The following PHIP variants were observed in gnomAD, a reference collection of about 807,000 sequenced individuals.
The protein encoded by PHIP is PHIP subunit of CUL4-Ring ligase complex, also known as PH-interacting protein.
A neutral mutation model predicts 236.8 loss-of-function variants in PHIP; 54 were observed. The observed-to-expected ratio is 0.23, with a 90% confidence interval of 0.18 to 0.29. The LOEUF is 0.29. Among genes scored for constraint, PHIP ranks in the 10% least tolerant of loss-of-function variants. The probability of loss-of-function intolerance (pLI) is 1.00; values close to 1 mark genes in which losing one functional copy is unlikely to be tolerated. For missense variants in PHIP, 1,370 were observed against 2,190.8 expected (o/e 0.63, Z 7.48); for synonymous variants, 756 against 718.9 (o/e 1.05, Z -0.83).
intron 6 of PHIP, among the ~76,000 whole-genome samples, chr6:79,056,284 A>G (rs1225492913): frequency 6.6e-6 from 1 of 152,210 alleles, no homozygotes; most frequent in African/African-American, 2.4e-5. Flanking sequence ...GGGGCATTCC[A>G]GGGAGAAATA....
chr6:78,954,790 G>A (rs1188940233), intron 35 of PHIP, 24 bp downstream of exon 35: 2 of 1,528,938 alleles, frequency 1.3e-6, no homozygotes, highest in East Asian at 2.4e-5. Flanking sequence ...GACAGGTAAA[G>A]AAAATATTTT....
At chr6:79,042,694 A>G in intron 7 of PHIP, 149 bp downstream of exon 7, 3 of 544,008 alleles carry the variant, frequency 5.5e-6, no homozygotes, top group Non-Finnish European at 6.3e-6. Flanking sequence ...AAATTTAACT[A>G]AACTCTTCTG....
intron 33 of PHIP, 68 bp downstream of exon 33, chr6:78,955,545 A>C: frequency 1.6e-6 from 1 of 619,356 alleles, no homozygotes; most frequent in South Asian, 2.1e-5. Flanking sequence ...TTTACCTGAA[A>C]ACTACAATAT....
intron 7 of PHIP, among the ~76,000 whole-genome samples, chr6:79,028,169 A>G (rs569600240): frequency 6.6e-6 from 1 of 152,272 alleles, no homozygotes; most frequent in South Asian, 2.1e-4. Context: ...TGTGAGGTGA[A>G]GGCATAAGGA....
At chr6:78,978,083 A>T (rs1244418049) in intron 24 of PHIP, among the ~76,000 whole-genome samples, 1 of 152,106 alleles carries the variant, frequency 6.6e-6, no homozygotes, top group Non-Finnish European at 1.5e-5. Context: ...ACAAGTACAT[A>T]TTCTAAAACA....
At position 78,945,285 on chromosome 6, in the gene PHIP, CAAGT is replaced by C. The variant is rs1356593699; in HGVS notation, c.4828+11_4828+14del. 6.4e-7 allele frequency: 1 copy of C among 1,554,974 alleles called. No individual in the cohort carries two copies. The highest frequency in any genetic ancestry group is 8.9e-7 in the Non-Finnish European group (1 of 1,126,406). Reference sequence around the variant, plus strand: ...AGGATCTACTGTATCTTGAAAGATACAAGTAATACCTTACCTTGCTCAATGACAG... The same window carrying C: ...AGGATCTACTGTATCTTGAAAGATACAATACCTTACCTTGCTCAATGACAG... On this transcript the variant is annotated intron_variant, in intron 39 of 39. Transcript: ENST00000275034.
intron 25 of PHIP, 106 bp downstream of exon 25, chr6:78,970,675 T>C (rs1562135980): frequency 2.9e-6 from 2 of 701,028 alleles, no homozygotes; most frequent in Non-Finnish European, 4.7e-6. Flanking sequence ...ACAAGGTATC[T>C]TCATGATGCA....
intron 9 of PHIP, among the ~76,000 whole-genome samples, chr6:79,021,464 G>C (rs1468657201): frequency 6.6e-6 from 1 of 152,156 alleles, no homozygotes; most frequent in Non-Finnish European, 1.5e-5. Flanking sequence ...GTGAAGATTT[G>C]GAAGGAACCA....
At chr6:79,044,798 A>C (rs1772393031) in intron 6 of PHIP, among the ~76,000 whole-genome samples, 1 of 152,160 alleles carries the variant, frequency 6.6e-6, no homozygotes, top group Non-Finnish European at 1.5e-5. Context: ...TTTTAAGATA[A>C]ATTTGTTATA....
chr6:79,014,892 GCA>G (rs1562180028), intron 15 of PHIP, among the ~76,000 whole-genome samples, 188 bp downstream of exon 15: 1 of 151,722 alleles, frequency 6.6e-6, no homozygotes, highest in Non-Finnish European at 1.5e-5. Context: ...ACTGTAATAT[GCA>G]CAATTAATTT....
At chr6:78,965,574 A>G (rs530688188) in intron 29 of PHIP, 129 bp downstream of exon 29, 34 of 613,358 alleles carry the variant, frequency 5.5e-5, no homozygotes, top group African/African-American at 5.5e-4. Context: ...ACAATAATAA[A>G]TATTTGCCAA....
intron 38 of PHIP, 171 bp downstream of exon 38, chr6:78,945,830 A>C (rs1434368859): frequency 1.6e-6 from 1 of 624,146 alleles, no homozygotes; most frequent in Non-Finnish European, 2.8e-6. Flanking sequence ...CTAAACCTCA[A>C]TTTAATTCTT....
chr6:79,002,313 T>A (rs1199058550), intron 16 of PHIP, among the ~76,000 whole-genome samples, 189 bp from the exon 17 acceptor site: 2 of 152,154 alleles, frequency 1.3e-5, no homozygotes, highest in Admixed American at 6.6e-5. Context: ...TTAAGTATTA[T>A]GATCAGAAAA....
At chr6:78,948,126 C>G (rs1271653749) in intron 35 of PHIP, among the ~76,000 whole-genome samples, 1 of 152,102 alleles carries the variant, frequency 6.6e-6, no homozygotes, top group Admixed American at 6.5e-5. Flanking sequence ...AAACTTTATA[C>G]TACTTATAAA....
intron 24 of PHIP, among the ~76,000 whole-genome samples, chr6:78,974,646 A>G (rs1001535688): frequency 6.6e-6 from 1 of 152,256 alleles, no homozygotes; most frequent in African/African-American, 2.4e-5. Context: ...AATAAAAGAA[A>G]AAAAGAAGAA....
chr6:79,060,638 T>A lies in PHIP; in HGVS notation c.340+30A>T, dbSNP rs149210558. ...ACAAAAACAAAAGTGAGATAAATAATGTCTAAATCCTATGAGAAAATTTTC... is the reference window on the plus strand; with the variant it reads ...ACAAAAACAAAAGTGAGATAAATAAAGTCTAAATCCTATGAGAAAATTTTC... On this transcript the variant is annotated intron_variant, in intron 5 of 39. Transcript: ENST00000275034. 46 of 1,608,016 alleles carry A rather than the reference T, an allele frequency of 2.9e-5. 1 individual carries two copies. The Admixed American group carries it at 4.4e-4, about 15-fold the overall frequency.
chr6:79,059,623 A>G (rs999190653), intron 6 of PHIP, among the ~76,000 whole-genome samples: 13 of 70,032 alleles, frequency 1.9e-4, no homozygotes, highest in Non-Finnish European at 4.0e-4. Flanking sequence ...ATATATATAT[A>G]TAAAAATGCC....
At chr6:78,943,981 GTCT>G (rs1773653939) in intron 39 of PHIP, among the ~76,000 whole-genome samples, 1 of 46,010 alleles carries the variant, frequency 2.2e-5, no homozygotes, top group Non-Finnish European at 3.9e-5. Context: ...GCAAGATCCT[GTCT>G]TTTTTTAAAA....
At chr6:79,064,309 AAAAAT>A (rs1272114368) in intron 4 of PHIP, among the ~76,000 whole-genome samples, 2 of 152,154 alleles carry the variant, frequency 1.3e-5, no homozygotes, top group East Asian at 3.9e-4. Context: ...AGGAAAAAAC[AAAAAT>A]CCTGCCTAAC....
Sources: allele counts gnomAD v4.1 joint callset (sites outside exome capture counted in the v4.1 genomes callset), GRCh38; gene constraint gnomAD v4.1.1; transcripts MANE v1.5; gene names NCBI Gene and HGNC (gene_info 2026-07-23, HGNC 2026-07-21).